The following TMPRSS11E variants were observed in gnomAD, a reference collection of about 807,000 sequenced individuals.
TMPRSS11E encodes transmembrane protease serine 11E.
A neutral mutation model predicts 48.1 loss-of-function variants in TMPRSS11E; 38 were observed. The observed-to-expected ratio is 0.79, with a 90% CI of 0.61 to 1.04. The LOEUF is 1.04. Among genes scored for constraint, TMPRSS11E ranks in the 50% least tolerant of loss-of-function variants. The probability of loss-of-function intolerance (pLI) is 0.00; values close to 1 mark genes in which losing one functional copy is unlikely to be tolerated. For missense variants in TMPRSS11E, 530 were observed against 510.8 expected (o/e 1.04, Z -0.36); for synonymous variants, 158 against 171.9 (o/e 0.92, Z 0.63).
intron 9 of TMPRSS11E, among the ~76,000 whole-genome samples, chr4:68,492,673 G>A (rs913067513): frequency 6.6e-6 from 1 of 152,098 alleles, no homozygotes; most frequent in African/African-American, 2.4e-5. Context: ...TAAATAGAAC[G>A]TCTTTAAACA....
intron 9 of TMPRSS11E, among the ~76,000 whole-genome samples, chr4:68,490,118 C>T (rs1729674932): frequency 6.6e-6 from 1 of 152,156 alleles, no homozygotes; most frequent in Non-Finnish European, 1.5e-5. Flanking sequence ...GGAGCCTCTC[C>T]AGGCCAGGAA....
intron 1 of TMPRSS11E, among the ~76,000 whole-genome samples, chr4:68,458,333 C>T (rs1728690982): frequency 1.4e-5 from 2 of 146,758 alleles, no homozygotes; most frequent in African/African-American, 4.9e-5. Flanking sequence ...TGCTTGTTTT[C>T]TGGCAATTTG....
intron 9 of TMPRSS11E, among the ~76,000 whole-genome samples, chr4:68,493,592 G>A (rs948994792): frequency 6.6e-6 from 1 of 152,000 alleles, no homozygotes; most frequent in Non-Finnish European, 1.5e-5. Flanking sequence ...TCAGCCTCCT[G>A]AGTAGCTGAG....
chr4:68,465,595 G>A (rs907399906), intron 2 of TMPRSS11E, among the ~76,000 whole-genome samples: 2 of 148,384 alleles, frequency 1.3e-5, no homozygotes, highest in African/African-American at 4.9e-5. Flanking sequence ...TGGAGTTATT[G>A]TAAATTAAAT....
intron 2 of TMPRSS11E, among the ~76,000 whole-genome samples, chr4:68,465,109 T>C (rs1182473376): frequency 6.6e-6 from 1 of 152,198 alleles, no homozygotes; most frequent in Admixed American, 6.5e-5. Context: ...CTTGAAGTTA[T>C]GTATATTTCC....
intron 3 of TMPRSS11E, among the ~76,000 whole-genome samples, chr4:68,466,989 C>T (rs1728945854): frequency 6.6e-6 from 1 of 152,002 alleles, no homozygotes; most frequent in Admixed American, 6.6e-5. Context: ...TCTTACTCAC[C>T]TTTCCTTAGC....
rs1197794830 is a variant in TMPRSS11E at position 68,457,925 on chromosome 4, C to T, written c.12-3896C>T. Among the ~76,000 whole-genome samples the T allele has an allele frequency of 4.6e-5, 7 of 151,922 alleles. No individual in the cohort carries two copies. The East Asian group carries it at 1.2e-3, about 25-fold the overall frequency. ...GGGAGCAGAACATCATACACTGGGG[C>T]CTATCAGTGGGTGGGGGGCTAGGGG... is the stretch of plus-strand genomic sequence containing the variant. On this transcript the variant is annotated intron_variant, in intron 1 of 9. Transcript: ENST00000305363.
intron 1 of TMPRSS11E, among the ~76,000 whole-genome samples, chr4:68,455,774 G>A (rs889952653): frequency 6.6e-6 from 1 of 151,896 alleles, no homozygotes; most frequent in Admixed American, 6.6e-5. Context: ...GGCTGCAATG[G>A]CATCGCTCGT....
At chr4:68,495,941 A>C (rs1729853588) in intron 9 of TMPRSS11E, among the ~76,000 whole-genome samples, 1 of 152,176 alleles carries the variant, frequency 6.6e-6, no homozygotes, top group Non-Finnish European at 1.5e-5. Context: ...CAGGATCTTG[A>C]GGAATAATCA....
At chr4:68,481,836 C>T (rs1729409721) in intron 9 of TMPRSS11E, among the ~76,000 whole-genome samples, 1 of 152,054 alleles carries the variant, frequency 6.6e-6, no homozygotes, top group South Asian at 2.1e-4. Context: ...GTAGTCCCAG[C>T]TACTTGGAAA....
rs138380711 is a variant in TMPRSS11E at position 68,471,571 on chromosome 4, G to T, written c.438G>T (p.Leu146=). ...TTCAACTTGTTTTACATGAAAAGCT[G>T]CAAGATGCTGTAGGACCCCCTAAAG... The part of the protein sequence containing the change: ...KIVQLVLHEK[L]QDAVGPPKVD... The change falls in exon 5 of 10, where the codon CTG becomes CTT. Residue 146 remains leucine (L), a synonymous_variant. Transcript: ENST00000305363. The T allele has an allele frequency of 1.2e-6, 2 of 1,610,956 alleles. No individual in the cohort carries two copies. The highest frequency in any genetic ancestry group is 2.2e-5 in the East Asian group (1 of 44,726).
chr4:68,448,592 C>T (rs1728407189), intron 1 of TMPRSS11E, among the ~76,000 whole-genome samples: 2 of 151,832 alleles, frequency 1.3e-5, no homozygotes, highest in South Asian at 4.1e-4. Context: ...TGGTATATGT[C>T]AGAGATTTGG....
At chr4:68,460,481 T>C (rs1248464743) in intron 1 of TMPRSS11E, among the ~76,000 whole-genome samples, 2 of 152,132 alleles carry the variant, frequency 1.3e-5, no homozygotes, top group African/African-American at 4.8e-5. Flanking sequence ...TTTAAATGAT[T>C]TTTCCGTCGC....
chr4:68,452,746 TG>T (rs1227456614), intron 1 of TMPRSS11E, among the ~76,000 whole-genome samples: 1 of 152,004 alleles, frequency 6.6e-6, no homozygotes, highest in Non-Finnish European at 1.5e-5. Flanking sequence ...AGATAATAAA[TG>T]AACACTTTAA....
intron 2 of TMPRSS11E, among the ~76,000 whole-genome samples, chr4:68,463,303 AC>A (rs1728843244): frequency 6.6e-6 from 1 of 151,884 alleles, no homozygotes; most frequent in Admixed American, 6.6e-5. Context: ...TCTGTAGCAC[AC>A]TTTTTTTTTG....
Position 68,469,155 on chromosome 4 carries a change from A to G in TMPRSS11E, c.326+209A>G, listed in dbSNP as rs142955099. On this transcript the variant is annotated intron_variant, in intron 4 of 9. Coordinates refer to ENST00000305363, the MANE Select transcript of TMPRSS11E (RefSeq NM_014058.4). Reference sequence around the variant, plus strand: ...CAAGATGGTTGCTGGGGACAGAGGTATAATTGGTGCCTATGTTATAAAATT... The same window carrying G: ...CAAGATGGTTGCTGGGGACAGAGGTGTAATTGGTGCCTATGTTATAAAATT... 4.1e-3 allele frequency among the ~76,000 whole-genome samples: 629 copies of G among 152,196 alleles called. 5 individuals carry two copies. The highest frequency in any genetic ancestry group is 0.014 in the African/African-American group (588 of 41,556).
chr4:68,475,372 T>A (rs1283176746), intron 6 of TMPRSS11E, among the ~76,000 whole-genome samples: 1 of 151,058 alleles, frequency 6.6e-6, no homozygotes, highest in Non-Finnish European at 1.5e-5. Context: ...ATACATTCAA[T>A]AGTTATGGGG....
In TMPRSS11E at chr4:68,496,504, G is replaced by A. The variant is rs1578149015; in HGVS notation, c.1111-139G>A. ...TTTAGGTGGATAACTGACATAGATG[G>A]AGAAAATCACTTATGCATGCGAACA... On this transcript the variant is annotated intron_variant, in intron 9 of 9. Transcript: ENST00000305363. 2.2e-5 allele frequency: 18 copies of A among 833,122 alleles called. No homozygotes were observed. The South Asian group carries it at 3.3e-4, about 15-fold the overall frequency. The allele number at this position is 833,122 out of a possible 1,614,324, so 51.6% of individuals were successfully genotyped here. A position where few individuals can be genotyped will look rare whatever the true frequency, so the allele number is the denominator to read the frequency against.
Position 68,471,513 on chromosome 4 carries a change from C to T in TMPRSS11E, c.380C>T (p.Ser127Phe), listed in dbSNP as rs1487467600. 4 of 1,608,474 alleles carry T rather than the reference C, an allele frequency of 2.5e-6. No individual in the cohort carries two copies. In the African/African-American group the frequency reaches 5.4e-5, roughly 22 times the overall value. Residue 127 changes from serine (S) to phenylalanine (F), a missense_variant, in exon 5 of 10, where the codon TCT becomes TTT. Transcript: ENST00000305363. ...AHMLLICRFH[S>F]TEDPETVDKI... ...ATGCTGTTGATTTGTAGATTTCACTCTACTGAGGATCCTGAAACTGTAGAT... is the reference window on the plus strand; with the variant it reads ...ATGCTGTTGATTTGTAGATTTCACTTTACTGAGGATCCTGAAACTGTAGAT...
Sources: gnomAD v4.1 joint callset for allele counts (sites outside exome capture counted in the v4.1 genomes callset) on GRCh38, gnomAD v4.1.1 for gene constraint, MANE v1.5 for transcripts, NCBI Gene and HGNC (gene_info 2026-07-23, HGNC 2026-07-21) for gene names.